RBFOX3: variants seen among roughly 807,000 people sequenced by gnomAD.
RBFOX3 encodes the protein RNA binding fox-1 homolog 3.
A neutral mutation model predicts 48.7 loss-of-function variants in RBFOX3; 17 were observed. The observed-to-expected ratio is 0.35, with a 90% confidence interval of 0.24 to 0.52. The LOEUF (loss-of-function observed/expected upper bound fraction) is 0.52, where lower values mean the gene tolerates loss of function less well. Ranked by LOEUF, RBFOX3 falls within the 20% of genes least tolerant of loss-of-function variation. The pLI is 0.94. For synonymous variants in RBFOX3, 212 were observed against 209.5 expected (o/e 1.01, Z -0.10); for missense variants, 382 against 497.5 (o/e 0.77, Z 2.21).
intron 1 of RBFOX3, among the ~76,000 whole-genome samples, chr17:79,549,075 G>T (rs1181862997): frequency 6.6e-6 from 1 of 152,220 alleles, no homozygotes; most frequent in Non-Finnish European, 1.5e-5. Flanking sequence ...CACTGACCAA[G>T]GTCCCTTGTC....
At chr17:79,286,976 C>T (rs868038448) in intron 3 of RBFOX3, among the ~76,000 whole-genome samples, 1 of 152,232 alleles carries the variant, frequency 6.6e-6, no homozygotes, top group Non-Finnish European at 1.5e-5. Flanking sequence ...GCCAGAGACT[C>T]TGAGAAAGCA....
intron 1 of RBFOX3, among the ~76,000 whole-genome samples, chr17:79,515,021 G>A (rs959190742): frequency 9.2e-5 from 14 of 152,254 alleles, no homozygotes; most frequent in Middle Eastern, 3.4e-3. Flanking sequence ...GAATTCTCCC[G>A]ACTCTCCAAC....
intron 4 of RBFOX3, among the ~76,000 whole-genome samples, chr17:79,170,354 G>A (rs1033584001): frequency 1.2e-4 from 19 of 152,294 alleles, no homozygotes; most frequent in South Asian, 6.2e-4. Context: ...AGAGGAAGGA[G>A]TTGGACCTGA....
intron 4 of RBFOX3, among the ~76,000 whole-genome samples, chr17:79,227,050 C>T (rs1408220686): frequency 1.3e-5 from 2 of 152,202 alleles, no homozygotes; most frequent in African/African-American, 4.8e-5. Flanking sequence ...CCGCCTTGCT[C>T]CCCTTTCTCA....
At chr17:79,468,081 G>A (rs1408565978) in intron 2 of RBFOX3, among the ~76,000 whole-genome samples, 6 of 152,148 alleles carry the variant, frequency 3.9e-5, no homozygotes, top group Non-Finnish European at 8.8e-5. Flanking sequence ...TAGGAGCTGA[G>A]AGACTGGTTA....
chr17:79,391,406 G>T lies in RBFOX3; in HGVS notation c.-174-83582C>A, dbSNP rs183000933. Among the ~76,000 whole-genome samples, 8 of 152,132 alleles carry T rather than the reference G, an allele frequency of 5.3e-5. No homozygotes were observed. Among genetic ancestry groups the T allele is most frequent in the Non-Finnish European group, 1.2e-4 (8 of 68,026 alleles). On this transcript the variant is annotated intron_variant, in intron 2 of 14. Transcript: ENST00000693108. The surrounding 1 kb of genome is among the most constrained non-coding windows in gnomAD (Gnocchi z 5.0). ...CCACGATTGGTGAACACTCGGGCAGGTTACCTAACTTCTCTGAGCCTCAGT... is the reference window on the plus strand; with the variant it reads ...CCACGATTGGTGAACACTCGGGCAGTTTACCTAACTTCTCTGAGCCTCAGT...
chr17:79,254,999 C>T lies in RBFOX3; in HGVS notation c.-73-19194G>A, dbSNP rs1038246413. 1.8e-4 allele frequency among the ~76,000 whole-genome samples: 27 copies of T among 152,232 alleles called. No individual in the cohort carries two copies. Among genetic ancestry groups the T allele is most frequent in the Middle Eastern group, 3.4e-3 (1 of 294 alleles). On this transcript the variant is annotated intron_variant, in intron 3 of 14. Coordinates refer to ENST00000693108, the MANE Select transcript of RBFOX3 (RefSeq NM_001350451.2). The surrounding 1 kb of genome is among the most constrained non-coding windows in gnomAD (Gnocchi z 4.8). ...CCTGGGCAGGAACTGTGGGTCAGAG[C>T]GGAGGGCAGGCAGCTTGTCCTTGGG...
At chr17:79,315,734 CTGCCGCCCG>C (rs969534382) in intron 2 of RBFOX3, among the ~76,000 whole-genome samples, 67 of 152,372 alleles carry the variant, frequency 4.4e-4, no homozygotes, top group African/African-American at 1.6e-3. Flanking sequence ...TTTCTGCGGG[CTGCCGCCCG>C]TGCCGCCACC....
rs1357909435 is a variant in RBFOX3, at chr17:79,296,584, G to A, written c.-74+11140C>T. On this transcript the variant is annotated intron_variant, in intron 3 of 14. Transcript: ENST00000693108. ...CCGGGCTCCCAGGAAAATGCCCAAC[G>A]GAAGAGTCCATACCTGGCCTCCAGC... is the stretch of plus-strand genomic sequence containing the variant. Among the ~76,000 whole-genome samples, 4 of 151,878 alleles carry A rather than the reference G, an allele frequency of 2.6e-5. No homozygotes were observed. The East Asian group carries it at 5.8e-4, about 22-fold the overall frequency.
At chr17:79,285,604 C>T (rs548789453) in intron 3 of RBFOX3, among the ~76,000 whole-genome samples, 5 of 152,234 alleles carry the variant, frequency 3.3e-5, no homozygotes, top group Admixed American at 1.3e-4. Context: ...TGTGGTTTCC[C>T]GAAGATCCAC....
chr17:79,617,376 G>A, the RBFOX3 span, among the ~76,000 whole-genome samples: 1,085 of 151,622 alleles, frequency 7.2e-3, 23 homozygotes, highest in East Asian at 0.025. Context: ...TTCCATCCTC[G>A]CCTTCCCTCG....
intron 2 of RBFOX3, among the ~76,000 whole-genome samples, chr17:79,452,828 G>A (rs566134530): frequency 6.6e-6 from 1 of 152,328 alleles, no homozygotes; most frequent in Non-Finnish European, 1.5e-5. Flanking sequence ...GCACAACCCG[G>A]GGGCATTGCA....
intron 1 of RBFOX3, among the ~76,000 whole-genome samples, chr17:79,607,372 C>G (rs1398400530): frequency 6.6e-6 from 1 of 152,088 alleles, no homozygotes; most frequent in African/African-American, 2.4e-5. Context: ...AGGGAGACAA[C>G]CGACCAAAAC....
At chr17:79,434,971 G>A (rs542735831) in intron 2 of RBFOX3, among the ~76,000 whole-genome samples, 12 of 152,294 alleles carry the variant, frequency 7.9e-5, no homozygotes, top group Admixed American at 2.6e-4. Flanking sequence ...AGTAAAAAAC[G>A]TGTGTGAATC....
intron 2 of RBFOX3, among the ~76,000 whole-genome samples, chr17:79,425,297 G>C (rs550831166): frequency 6.6e-6 from 1 of 152,170 alleles, no homozygotes; most frequent in African/African-American, 2.4e-5. Flanking sequence ...TGAGTGCCCT[G>C]AGCAAGTCCC....
chr17:79,136,697 C>T (rs559885553), intron 4 of RBFOX3, among the ~76,000 whole-genome samples: 4 of 152,148 alleles, frequency 2.6e-5, no homozygotes, highest in Admixed American at 1.3e-4. Context: ...CACCCGGAAC[C>T]GAGCTCTCAG....
At position 79,390,922 on chromosome 17, in the gene RBFOX3, T is replaced by C. The variant is rs1460078380; in HGVS notation, c.-174-83098A>G. On this transcript the variant is annotated intron_variant, in intron 2 of 14. Transcript: ENST00000693108. The surrounding 1 kb of genome is among the most constrained non-coding windows in gnomAD (Gnocchi z 4.2). ...GGACTGCTCGGGTGCCGGCAGGGAG[T>C]TCCTGGACCCACCCAAAGCCAGCTC... Among the ~76,000 whole-genome samples the C allele has an allele frequency of 6.6e-6, 1 of 151,902 alleles. No individual in the cohort carries two copies. Among genetic ancestry groups the C allele is most frequent in the African/African-American group, 2.4e-5 (1 of 41,326 alleles).
chr17:79,152,969 G>A (rs1474854212), intron 4 of RBFOX3, among the ~76,000 whole-genome samples: 1 of 152,220 alleles, frequency 6.6e-6, no homozygotes, highest in Non-Finnish European at 1.5e-5. Flanking sequence ...AGGTCTGGAG[G>A]TGGCTGCGGT....
At chr17:79,338,832 A>G (rs1023033334) in intron 2 of RBFOX3, among the ~76,000 whole-genome samples, 1 of 152,174 alleles carries the variant, frequency 6.6e-6, no homozygotes, top group African/African-American at 2.4e-5. Flanking sequence ...ACAAATAAAG[A>G]GCTAGCTCAA....
Sources: allele counts gnomAD v4.1 joint callset (sites outside exome capture counted in the v4.1 genomes callset), GRCh38; gene constraint gnomAD v4.1.1; non-coding constraint Gnocchi (gnomAD v3.1); transcripts MANE v1.5; gene names NCBI Gene and HGNC (gene_info 2026-07-23, HGNC 2026-07-21).